Variants in DNAJA4 observed in about 807,000 individuals in gnomAD.
DNAJA4 encodes the protein DnaJ heat shock protein family (Hsp40) member A4, also known as dnaJ homolog subfamily A member 4.
A neutral mutation model predicts 39.7 loss-of-function variants in DNAJA4; 32 were observed. The ratio of observed to expected loss-of-function variants is 0.81; its 90% CI spans 0.61 to 1.08. The LOEUF (loss-of-function observed/expected upper bound fraction) is 1.08. Ranked by LOEUF, DNAJA4 falls within the 50% of genes least tolerant of loss-of-function variation. The probability of loss-of-function intolerance (pLI) is 0.00; values close to 1 mark genes in which losing one functional copy is unlikely to be tolerated. For missense variants in DNAJA4, 439 were observed against 505.1 expected, an observed-to-expected ratio of 0.87 and a Z score of 1.25; for synonymous variants, 184 against 182.4, an observed-to-expected ratio of 1.01 and a Z score of -0.07.
In DNAJA4 at chr15:78,264,941, G is replaced by A. The variant is rs1046908707; in HGVS notation, c.132+46G>A. On this transcript the variant is annotated intron_variant, in intron 1 of 6. Transcript: ENST00000394852. ...CGGGCCGGGCTCCCGAGGGGCCAAG[G>A]GTTATTAAGCCAGGAGCATTGAAGG... 5 of 1,521,596 alleles carry A rather than the reference G, an allele frequency of 3.3e-6. No homozygotes were observed. The African/African-American group carries it at 5.7e-5, about 17-fold the overall frequency. 94.3% of individuals were successfully genotyped at this position (1,521,596 alleles called of 1,614,324 possible). A position where few individuals can be genotyped will look rare whatever the true frequency, so the allele number is the denominator to read the frequency against.
At position 78,273,135 on chromosome 15, in the gene DNAJA4, T is replaced by C; in HGVS notation, c.354T>C (p.Asp118=). The change falls in exon 3 of 7, where the codon GAT becomes GAC. Residue 118 remains aspartate, a synonymous_variant. Transcript: ENST00000394852. The part of the protein sequence containing the change: ...VVHQLSVTLE[D]LYNGVTKKLA... The stretch of plus-strand genomic sequence containing the variant: ...ACCAGTTATCTGTAACTCTTGAAGA[T>C]CTATATAATGGAGTCACGAAGAAAT... 3 of 1,606,282 alleles carry C rather than the reference T, an allele frequency of 1.9e-6. No homozygotes were observed. Among genetic ancestry groups the C allele is most frequent in the East Asian group, 4.5e-5 (2 of 44,834 alleles).
At position 78,273,081 on chromosome 15, in the gene DNAJA4, T is replaced by TC. The variant is rs759515077; in HGVS notation, c.314-13dup. 12 of 1,467,726 alleles carry TC rather than the reference T, an allele frequency of 8.2e-6. No individual in the cohort carries two copies. In the South Asian group the frequency reaches 1.4e-4, roughly 17 times the overall value. The allele number at this position is 1,467,726 out of a possible 1,614,324, so 90.9% of individuals were successfully genotyped here. On this transcript the variant is annotated splice_polypyrimidine_tract_variant and intron_variant, in intron 2 of 6. Transcript: ENST00000394852. ...TTCATTCAACGCCACTAATTTTTTT[T>TC]CTCCCTTGCTAAGGCAAGAATGTTG... is the stretch of plus-strand genomic sequence containing the variant.
At chr15:78,268,459 A>G (rs1350766529) in intron 1 of DNAJA4, among the ~76,000 whole-genome samples, 1 of 152,156 alleles carries the variant, frequency 6.6e-6, no homozygotes, top group Admixed American at 6.5e-5. Context: ...TTTATTAGCT[A>G]TTATTATTGG....
At position 78,280,237 on chromosome 15, in the gene DNAJA4, C is replaced by T; in HGVS notation, c.979-8C>T. On this transcript the variant is annotated splice_region_variant and splice_polypyrimidine_tract_variant and intron_variant, in intron 6 of 6. Transcript: ENST00000394852. ...AGCCACCTTTCTTTCCCACCTCACC[C>T]TTTACAGGTAATCTTTCCTGAAAAA... The T allele has an allele frequency of 6.2e-7, 1 of 1,613,676 alleles. No individual in the cohort carries two copies. Among genetic ancestry groups the T allele is most frequent in the Admixed American group, 1.7e-5 (1 of 60,020 alleles).
chr15:78,274,603 C>T, intron 4 of DNAJA4, 179 bp downstream of exon 4: 1 of 629,306 alleles, frequency 1.6e-6, no homozygotes, highest in East Asian at 2.8e-5. Flanking sequence ...ATTTCCATTC[C>T]ATGTCACCTG....
At position 78,279,945 on chromosome 15, in the gene DNAJA4, C is replaced by A. The variant is rs151326819; in HGVS notation, c.878-100C>A. ...ATGCCACGTTTCCTTTGCCCACTGC[C>A]ACGGGGCACTAGGGCCTGCCGCAGG... On this transcript the variant is annotated intron_variant, in intron 5 of 6. Transcript: ENST00000394852. This position sits in a 1 kb window ranked among gnomAD's most constrained non-coding sequence, Gnocchi z 4.5. 3.3e-4 allele frequency: 371 copies of A among 1,124,362 alleles called. 2 individuals are homozygous for A. In the African/African-American group the frequency reaches 4.2e-3, roughly 13 times the overall value. 69.6% of individuals were successfully genotyped at this position (1,124,362 alleles called of 1,614,324 possible).
At chr15:78,272,209 C>T (rs532676215) in intron 2 of DNAJA4, among the ~76,000 whole-genome samples, 26 of 152,208 alleles carry the variant, frequency 1.7e-4, no homozygotes, top group African/African-American at 5.3e-4. Context: ...CGGTGGCAGG[C>T]GCCTGTAGTC....
At chr15:78,274,744 T>G in intron 4 of DNAJA4, 1 of 385,582 alleles carries the variant, frequency 2.6e-6, no homozygotes, top group Non-Finnish European at 4.9e-6. Context: ...TCTCAAGCCA[T>G]TCCTCTAGAA....
chr15:78,264,917 G>T (rs2049078266), intron 1 of DNAJA4, 22 bp downstream of exon 1: 1 of 1,569,454 alleles, frequency 6.4e-7, no homozygotes, highest in Non-Finnish European at 8.6e-7. Context: ...CGCGGGGCAC[G>T]GGCCGGGCTC....
Position 78,279,892 on chromosome 15 carries a change from C to T in DNAJA4, c.878-153C>T. 2 of 663,506 alleles carry T rather than the reference C, an allele frequency of 3.0e-6. No homozygotes were observed. Among genetic ancestry groups the T allele is most frequent in the South Asian group, 1.9e-5 (1 of 52,410 alleles). 41.1% of individuals were successfully genotyped at this position (663,506 alleles called of 1,614,324 possible). On this transcript the variant is annotated intron_variant, in intron 5 of 6. Coordinates refer to ENST00000394852, the MANE Select transcript of DNAJA4 (RefSeq NM_001130182.2). This position sits in a 1 kb window ranked among gnomAD's most constrained non-coding sequence, Gnocchi z 4.5. ...CCCAGGCAGTACCTGACAAGGATAC[C>T]TGGGATTGGGGCCAGCTTTCCAGTC...
upstream of DNAJA4, chr15:78,264,513 G>T: frequency 3.2e-6 from 4 of 1,236,846 alleles, no homozygotes; most frequent in Non-Finnish European, 4.0e-6. Context: ...CCTTGCGGAA[G>T]CTTCCGCCGG....
intron 3 of DNAJA4, among the ~76,000 whole-genome samples, chr15:78,273,845 A>G (rs1484978190): frequency 6.6e-6 from 1 of 152,138 alleles, no homozygotes; most frequent in African/African-American, 2.4e-5. Flanking sequence ...AGCTGCCACT[A>G]TTGACAGAGC....
At chr15:78,278,551 G>A (rs1266274192) in intron 5 of DNAJA4, among the ~76,000 whole-genome samples, 1 of 152,192 alleles carries the variant, frequency 6.6e-6, no homozygotes, top group Non-Finnish European at 1.5e-5. Context: ...CTGAGTATGT[G>A]AGTATCTGAA....
At chr15:78,264,466 T>A, upstream of DNAJA4, 1 of 1,323,714 alleles carries the variant, frequency 7.6e-7, no homozygotes, top group Non-Finnish European at 9.6e-7. Context: ...CGCCGGAACC[T>A]CCGCGAAGGT....
At chr15:78,275,278 T>C in intron 4 of DNAJA4, 1 of 557,414 alleles carries the variant, frequency 1.8e-6, no homozygotes, top group South Asian at 2.3e-5. Context: ...ATTCCCCCAC[T>C]CCCTGTGCAT....
Position 78,264,612 on chromosome 15 carries a change from G to A in DNAJA4, c.-152G>A, listed in dbSNP as rs1449818971. The stretch of plus-strand genomic sequence containing the variant: ...TCGGTCCGGCGCGGGGCGGGGGGCG[G>A]GCGGGAGCTACAAGCGGCGGCGGCG... On this transcript the variant is annotated 5_prime_UTR_variant, in exon 1 of 7. Coordinates refer to ENST00000394852, the MANE Select transcript of DNAJA4 (RefSeq NM_001130182.2). 2.7e-6 allele frequency: 3 copies of A among 1,121,262 alleles called. No individual in the cohort carries two copies. The highest frequency in any genetic ancestry group is 2.2e-6 in the Non-Finnish European group (2 of 919,742). 69.5% of individuals were successfully genotyped at this position (1,121,262 alleles called of 1,614,324 possible).
At chr15:78,266,254 C>A (rs764184013) in intron 1 of DNAJA4, 17 of 1,613,832 alleles carry the variant, frequency 1.1e-5, no homozygotes, top group Non-Finnish European at 1.4e-5. Flanking sequence ...TGTGGGAAAG[C>A]CTGACCCTGG....
At position 78,268,972 on chromosome 15, in the gene DNAJA4, T is replaced by C. The variant is rs532953394; in HGVS notation, c.133-1525T>C. The stretch of plus-strand genomic sequence containing the variant: ...TCACCAGGAGGCATCCCTGAGAAGG[T>C]GGTCTGTGAGCTAAGGCTGGAAAGA... On this transcript the variant is annotated intron_variant, in intron 1 of 6. Transcript: ENST00000394852. Among the ~76,000 whole-genome samples, 367 of 152,064 alleles carry C rather than the reference T, an allele frequency of 2.4e-3. 3 individuals are homozygous for C. The highest frequency in any genetic ancestry group is 8.6e-3 in the African/African-American group (356 of 41,458).
chr15:78,272,163 C>G (rs1392490768), intron 2 of DNAJA4, among the ~76,000 whole-genome samples: 1 of 151,992 alleles, frequency 6.6e-6, no homozygotes, highest in Admixed American at 6.6e-5. Flanking sequence ...GGTGAAACCC[C>G]GTCTCTACTA....
Sources: allele counts gnomAD v4.1 joint callset (sites outside exome capture counted in the v4.1 genomes callset), GRCh38; gene constraint gnomAD v4.1.1; non-coding constraint Gnocchi (gnomAD v3.1); transcripts MANE v1.5; gene names NCBI Gene and HGNC (gene_info 2026-07-23, HGNC 2026-07-21).